Variants in NR5A1 observed in about 807,000 individuals in gnomAD.
The protein encoded by NR5A1 is steroidogenic factor 1.
Under a neutral mutation model 42.7 loss-of-function variants are expected in NR5A1, and 6 were observed. The ratio of observed to expected loss-of-function variants is 0.14; its 90% CI spans 0.08 to 0.28. The LOEUF is 0.28. Among genes scored for constraint, NR5A1 ranks in the 10% least tolerant of loss-of-function variants. The pLI is 1.00. For missense variants in NR5A1, 442 were observed against 626.4 expected (o/e 0.71, Z 3.14); for synonymous variants, 274 against 277.5 (o/e 0.99, Z 0.12).
intron 4 of NR5A1, among the ~76,000 whole-genome samples, chr9:124,499,261 G>T (rs1564152032): frequency 6.6e-6 from 1 of 152,210 alleles, no homozygotes; most frequent in African/African-American, 2.4e-5. Context: ...AGACTGGGAA[G>T]TTCTTTCCTA....
chr9:124,483,090 A>G (rs1265722135), intron 6 of NR5A1, 85 bp from the exon 7 acceptor site: 2 of 1,603,394 alleles, frequency 1.2e-6, no homozygotes, highest in Non-Finnish European at 1.7e-6. Context: ...CATCACCAAT[A>G]CCACCTTCCC....
intron 4 of NR5A1, 106 bp downstream of exon 4, chr9:124,499,984 T>C: frequency 6.4e-7 from 1 of 1,565,550 alleles, no homozygotes; most frequent in Non-Finnish European, 8.8e-7. Context: ...AGGTACTGCC[T>C]GAAGCCAGTG....
At chr9:124,489,892 C>A (rs575733805) in intron 6 of NR5A1, among the ~76,000 whole-genome samples, 1 of 152,104 alleles carries the variant, frequency 6.6e-6, no homozygotes, top group Non-Finnish European at 1.5e-5. Context: ...CCCACTGCAC[C>A]CAGCCACATG....
At position 124,500,302 on chromosome 9, in the gene NR5A1, C is replaced by T; in HGVS notation, c.658G>A (p.Gly220Arg). ...PYGYPEPFSG[G>R]PNVPELILQL... ...AGGATGAGCTCAGGCACGTTGGGCC[C>T]TCCAGAGAAGGGCTCTGGGTAGCCG... Residue 220 changes from glycine to arginine, a missense_variant, in exon 4 of 7, where the codon GGG becomes AGG. Coordinates refer to ENST00000373588, the MANE Select transcript of NR5A1 (RefSeq NM_004959.5). The surrounding 1 kb of genome is among the most constrained non-coding windows in gnomAD (Gnocchi z 6.9). 1 of 1,564,294 alleles carries T rather than the reference C, an allele frequency of 6.4e-7. No homozygotes were observed. Among genetic ancestry groups the T allele is most frequent in the Non-Finnish European group, 8.7e-7 (1 of 1,154,808 alleles).
intron 6 of NR5A1, among the ~76,000 whole-genome samples, chr9:124,486,115 T>G (rs1588615259): frequency 6.6e-6 from 1 of 151,198 alleles, no homozygotes; most frequent in African/African-American, 2.4e-5. Flanking sequence ...GGTGCGGGGG[T>G]GGGTGCAGAA....
chr9:124,491,017 A>AAG, intron 6 of NR5A1, 64 bp downstream of exon 6: 1 of 457,440 alleles, frequency 2.2e-6, no homozygotes, highest in Non-Finnish European at 4.2e-6. Context: ...CTCCAGCCTC[A>AAG]CCCACCCTCC....
At position 124,491,177 on chromosome 9, in the gene NR5A1, C is replaced by A. The variant is rs765627522; in HGVS notation, c.1042G>T (p.Val348Leu). 23 of 1,609,720 alleles carry A rather than the reference C, an allele frequency of 1.4e-5. No homozygotes were observed. Among genetic ancestry groups the A allele is most frequent in the African/African-American group, 2.7e-5 (2 of 74,902 alleles). Residue 348 changes from valine to leucine, a missense_variant, in exon 6 of 7, where the codon GTG becomes TTG. Val to Leu is a conservative substitution (Grantham distance 32). Around this residue, in one of 3 missense-constraint regions of NR5A1, gnomAD observed 163 missense variants for 265.8 expected, o/e 0.61. Transcript: ENST00000373588. ...TQAGSLLHSL[V>L]LRAQELVLQL... ...AGCACCAGCTCCTGCGCCCGCAACA[C>A]CAGGCTGTGCAGCAGCGAGCCCGCC...
chr9:124,499,957 G>T, intron 4 of NR5A1, 133 bp downstream of exon 4: 1 of 1,259,448 alleles, frequency 7.9e-7, no homozygotes, highest in Non-Finnish European at 1.1e-6. Flanking sequence ...TGTCCCCAGG[G>T]TGGCCTCCGG....
chr9:124,503,697 T>C lies in NR5A1; in HGVS notation c.-15-287A>G, dbSNP rs922445082. 4.6e-5 allele frequency among the ~76,000 whole-genome samples: 7 copies of C among 152,144 alleles called. No individual in the cohort carries two copies. Among genetic ancestry groups the C allele is most frequent in the African/African-American group, 1.7e-4 (7 of 41,434 alleles). ...TCTGGGGCCCTCGGGTTCGATGCGC[T>C]TCGATTGGGATTCGTTTGTCTGAGA... On this transcript the variant is annotated intron_variant, in intron 1 of 6. Coordinates refer to ENST00000373588, the MANE Select transcript of NR5A1 (RefSeq NM_004959.5). This position sits in a 1 kb window ranked among gnomAD's most constrained non-coding sequence, Gnocchi z 9.6.
chr9:124,491,373 C>T (rs537922345), intron 5 of NR5A1, 145 bp from the exon 6 acceptor site: 10 of 648,688 alleles, frequency 1.5e-5, no homozygotes, highest in Admixed American at 5.8e-5. Context: ...GCCTTGGTGC[C>T]GAGCCAGGCA....
chr9:124,505,093 T>G (rs1257967239), intron 1 of NR5A1, among the ~76,000 whole-genome samples: 2 of 151,350 alleles, frequency 1.3e-5, no homozygotes, highest in Non-Finnish European at 2.9e-5. Flanking sequence ...GCCGGCACCC[T>G]CTCCGCAGTC....
chr9:124,498,474 C>T lies in NR5A1; in HGVS notation c.870+1616G>A, dbSNP rs1229507202. On this transcript the variant is annotated intron_variant, in intron 4 of 6. Transcript: ENST00000373588. The surrounding 1 kb of genome is among the most constrained non-coding windows in gnomAD (Gnocchi z 4.6). ...GCCCTTCCCATCCTGCGTGAAAATC[C>T]CCGGGAGACTAGGAAGGCAGCCAGA... Among the ~76,000 whole-genome samples the T allele has an allele frequency of 6.6e-6, 1 of 152,150 alleles. No homozygotes were observed. The highest frequency in any genetic ancestry group is 1.5e-5 in the Non-Finnish European group (1 of 68,016).
At chr9:124,492,429 T>C (rs1158612510) in intron 5 of NR5A1, among the ~76,000 whole-genome samples, 1 of 152,118 alleles carries the variant, frequency 6.6e-6, no homozygotes, top group South Asian at 2.1e-4. Flanking sequence ...ATCTGGACTT[T>C]CTACTCCCCA....
chr9:124,483,691 C>T (rs766326449), intron 6 of NR5A1, among the ~76,000 whole-genome samples: 6 of 152,226 alleles, frequency 3.9e-5, no homozygotes, highest in East Asian at 1.9e-4. Context: ...CGTTGCCATC[C>T]GCATCCCCAC....
At chr9:124,491,379 A>G in intron 5 of NR5A1, 151 bp from the exon 6 acceptor site, 1 of 638,778 alleles carries the variant, frequency 1.6e-6, no homozygotes, top group Non-Finnish European at 2.7e-6. Flanking sequence ...GTGCCGAGCC[A>G]GGCACGGGTA....
chr9:124,484,662 G>C (rs1255744053), intron 6 of NR5A1, among the ~76,000 whole-genome samples: 1 of 152,154 alleles, frequency 6.6e-6, no homozygotes, highest in Non-Finnish European at 1.5e-5. Context: ...GTTGAGGCTG[G>C]TGAATCAGGT....
intron 6 of NR5A1, among the ~76,000 whole-genome samples, chr9:124,485,687 G>A (rs1326677341): frequency 2.0e-5 from 3 of 152,184 alleles, no homozygotes; most frequent in Admixed American, 2.0e-4. Flanking sequence ...CCATCCCAAC[G>A]CCTCCTGGCC....
At chr9:124,491,015 T>TCCG in intron 6 of NR5A1, 66 bp downstream of exon 6, 8 of 634,816 alleles carry the variant, frequency 1.3e-5, no homozygotes, top group Admixed American at 2.6e-5. Context: ...CTCTCCAGCC[T>TCCG]CACCCACCCT....
At position 124,503,460 on chromosome 9, in the gene NR5A1, G is replaced by T; in HGVS notation, c.-15-50C>A. 6.8e-7 allele frequency: 1 copy of T among 1,477,968 alleles called. No homozygotes were observed. The highest frequency in any genetic ancestry group is 9.2e-7 in the Non-Finnish European group (1 of 1,091,500). The allele number at this position is 1,477,968 out of a possible 1,614,324, so 91.6% of individuals were successfully genotyped here. A position where few individuals can be genotyped will look rare whatever the true frequency, so the allele number is the denominator to read the frequency against. On this transcript the variant is annotated intron_variant, in intron 1 of 6. Coordinates refer to ENST00000373588, the MANE Select transcript of NR5A1 (RefSeq NM_004959.5). The surrounding 1 kb of genome is among the most constrained non-coding windows in gnomAD (Gnocchi z 9.6). ...AGGGCCGGCGGAGACCGGCAGCCTG[G>T]GGTCCCCGCGGCCGCCGCCCCAGCC...
Sources: allele counts gnomAD v4.1 joint callset (sites outside exome capture counted in the v4.1 genomes callset), GRCh38; gene constraint gnomAD v4.1.1; regional missense constraint gnomAD v4.1.1; non-coding constraint Gnocchi (gnomAD v3.1); transcripts MANE v1.5; gene names NCBI Gene and HGNC (gene_info 2026-07-23, HGNC 2026-07-21).